FBXO25: variants seen among roughly 807,000 people sequenced by gnomAD.
The protein encoded by FBXO25 is F-box protein 25.
In FBXO25, 45 loss-of-function variants were observed where a neutral mutation model predicts 51.9. That is an observed-to-expected ratio of 0.87 (90% CI 0.68 to 1.11). FBXO25 has a LOEUF of 1.11. FBXO25 is among the 50% of genes most tolerant of loss of function. The pLI is 0.00. For missense variants in FBXO25, 507 were observed against 428.5 expected (o/e 1.18, Z -1.62); for synonymous variants, 199 against 151.0 (o/e 1.32, Z -2.33).
intron 2 of FBXO25, among the ~76,000 whole-genome samples, chr8:427,948 C>T (rs997035298): frequency 6.6e-6 from 1 of 152,026 alleles, no homozygotes; most frequent in Non-Finnish European, 1.5e-5. Context: ...CTAGAGTGGT[C>T]TGGGAGATGA....
chr8:466,026 G>A (rs1352367234), intron 9 of FBXO25, among the ~76,000 whole-genome samples: 1 of 152,138 alleles, frequency 6.6e-6, no homozygotes, highest in African/African-American at 2.4e-5. Flanking sequence ...TTCATGTCTT[G>A]CCCTTGGAGG....
In FBXO25 at chr8:435,685, G is replaced by A. The variant is rs199702170; in HGVS notation, c.359G>A (p.Arg120Gln). The change falls in exon 5 of 10, where the codon CGA (arginine) becomes CAA (glutamine). Residue 120 changes from arginine (R) to glutamine (Q), a missense_variant. By Grantham distance (43) the Arg-to-Gln change is conservative. Transcript: ENST00000350302. ...TTCTCAAGTGCAATTCAAGATATCCGAAGGTTCAATTATGTGGTCAAAGTA... is the reference window on the plus strand; with the variant it reads ...TTCTCAAGTGCAATTCAAGATATCCAAAGGTTCAATTATGTGGTCAAAGTA... ...LDFSSAIQDIRRFNYVVKLLQ... is the reference protein window; with the variant it reads ...LDFSSAIQDIQRFNYVVKLLQ... 1.4e-5 allele frequency: 23 copies of A among 1,597,602 alleles called. No homozygotes were observed. The highest frequency in any genetic ancestry group is 1.8e-5 in the Non-Finnish European group (21 of 1,175,040).
Position 453,846 on chromosome 8 carries a change from G to C in FBXO25, c.660+2393G>C, listed in dbSNP as rs545981828. 2.0e-5 allele frequency among the ~76,000 whole-genome samples: 3 copies of C among 152,190 alleles called. No individual in the cohort carries two copies. In the East Asian group the frequency reaches 5.8e-4, roughly 30 times the overall value. ...AGAAATACCTTGACACCCCTGGCCG[G>C]GCGCGGTGGCCCACACCTGTAATCC... On this transcript the variant is annotated intron_variant, in intron 7 of 9. Transcript: ENST00000350302.
intron 2 of FBXO25, among the ~76,000 whole-genome samples, chr8:428,868 A>G (rs906787052): frequency 6.6e-6 from 1 of 152,156 alleles, no homozygotes; most frequent in African/African-American, 2.4e-5. Context: ...ATGTGTCAGC[A>G]TTTCCTTTTT....
intron 7 of FBXO25, among the ~76,000 whole-genome samples, chr8:456,900 C>G (rs868434536): frequency 6.6e-6 from 1 of 152,152 alleles, no homozygotes; most frequent in African/African-American, 2.4e-5. Context: ...AGTGGGGTGT[C>G]AAGGCACGGG....
chr8:471,020 A>C lies in FBXO25; in HGVS notation c.*2216A>C, dbSNP rs1293835085. On this transcript the variant is annotated 3_prime_UTR_variant, in exon 10 of 10. Transcript: ENST00000350302. ...CTGTCATTTAATTGTTAGATGTTAT[A>C]ACAGTTCTCAGCTGTGCTATCAAAT... 2 of 152,208 alleles carry C rather than the reference A, an allele frequency of 1.3e-5. No homozygotes were observed. Among genetic ancestry groups the C allele is most frequent in the Non-Finnish European group, 2.9e-5 (2 of 68,044 alleles). 9.4% of individuals were successfully genotyped at this position (152,208 alleles called of 1,614,324 possible).
intron 5 of FBXO25, among the ~76,000 whole-genome samples, chr8:439,459 T>G (rs536762104): frequency 6.6e-6 from 1 of 152,320 alleles, no homozygotes; most frequent in East Asian, 1.9e-4. Context: ...TATATCTAAT[T>G]TTGGTTATTT....
At chr8:447,486 AACTC>A (rs1798813060) in intron 5 of FBXO25, among the ~76,000 whole-genome samples, 1 of 152,160 alleles carries the variant, frequency 6.6e-6, no homozygotes, top group South Asian at 2.1e-4. Flanking sequence ...AAAAACAGGA[AACTC>A]ATGAAGGAGT....
At chr8:465,367 C>T (rs552723701) in intron 9 of FBXO25, among the ~76,000 whole-genome samples, 38 of 152,260 alleles carry the variant, frequency 2.5e-4, no homozygotes, top group African/African-American at 8.2e-4. Context: ...TTCTCCTGAG[C>T]AGATTGTTTT....
At chr8:409,807 A>G (rs1253961616) in intron 1 of FBXO25, among the ~76,000 whole-genome samples, 8 of 152,168 alleles carry the variant, frequency 5.3e-5, no homozygotes, top group Non-Finnish European at 1.0e-4. Flanking sequence ...TATTATTCTC[A>G]AAACAACACT....
chr8:448,215 CT>C (rs1286557058), intron 5 of FBXO25, among the ~76,000 whole-genome samples: 5 of 152,120 alleles, frequency 3.3e-5, no homozygotes, highest in Admixed American at 1.3e-4. Flanking sequence ...CAGGAAAATT[CT>C]GCTCAGGTAA....
At chr8:427,405 G>A (rs1397753675) in intron 2 of FBXO25, among the ~76,000 whole-genome samples, 1 of 150,936 alleles carries the variant, frequency 6.6e-6, no homozygotes, top group Non-Finnish European at 1.5e-5. Context: ...TAGAGTCATG[G>A]CAACTTGTTG....
chr8:453,339 T>G (rs1014013620), intron 7 of FBXO25, among the ~76,000 whole-genome samples: 6 of 152,184 alleles, frequency 3.9e-5, no homozygotes, highest in African/African-American at 1.4e-4. Flanking sequence ...AGTCCCTGGG[T>G]GCTCTCTGGA....
chr8:457,006 G>C (rs1024964283), intron 7 of FBXO25, among the ~76,000 whole-genome samples: 1 of 151,786 alleles, frequency 6.6e-6, no homozygotes, highest in Non-Finnish European at 1.5e-5. Flanking sequence ...GCCAAAAATA[G>C]ATGGTCACTG....
intron 2 of FBXO25, 101 bp from the exon 3 acceptor site, chr8:431,240 C>G: frequency 1.6e-6 from 1 of 620,310 alleles, no homozygotes; most frequent in Non-Finnish European, 2.8e-6. Context: ...ATTTCAAGCC[C>G]ACAGTCTGTC....
At chr8:456,402 C>T (rs1283137485) in intron 7 of FBXO25, among the ~76,000 whole-genome samples, 3 of 152,124 alleles carry the variant, frequency 2.0e-5, no homozygotes, top group Non-Finnish European at 2.9e-5. Flanking sequence ...TGCTCTCTGC[C>T]ATATGCTAGA....
In FBXO25 at chr8:449,987, A is replaced by G. The variant is rs1252085567; in HGVS notation, c.382-3A>G. On this transcript the variant is annotated splice_region_variant and splice_polypyrimidine_tract_variant and intron_variant, in intron 5 of 9. Coordinates refer to ENST00000350302, the MANE Select transcript of FBXO25 (RefSeq NM_183420.2). The stretch of plus-strand genomic sequence containing the variant: ...CTCAGCTTTTTTCCGTCTTTCCTTT[A>G]AGCTGTTGCAGCTAATTGCAAAATC... 1 of 1,603,726 alleles carries G rather than the reference A, an allele frequency of 6.2e-7. No individual in the cohort carries two copies. Among genetic ancestry groups the G allele is most frequent in the East Asian group, 2.2e-5 (1 of 44,740 alleles).
chr8:439,717 C>T lies in FBXO25; in HGVS notation c.381+4010C>T, dbSNP rs576747793. On this transcript the variant is annotated intron_variant, in intron 5 of 9. Transcript: ENST00000350302. Reference sequence around the variant, plus strand: ...CCCAGTCCTGTTTCCTTTAGCCCACCTGCTCCTCATGTCTGGAGATGGACT... The same window carrying T: ...CCCAGTCCTGTTTCCTTTAGCCCACTTGCTCCTCATGTCTGGAGATGGACT... 1.1e-4 allele frequency among the ~76,000 whole-genome samples: 16 copies of T among 152,316 alleles called. No homozygotes were observed. In the South Asian group the frequency reaches 3.3e-3, roughly 32 times the overall value.
Position 468,750 on chromosome 8 carries a change from C to A in FBXO25, c.1023C>A (p.Asp341Glu). ...SGHPCTAADPDSCFTPVSPQH... is the reference protein window; with the variant it reads ...SGHPCTAADPESCFTPVSPQH... ...ACCCCTGCACGGCGGCCGACCCTGACAGCTGCTTCACGCCTGTGTCTCCGC... is the reference window on the plus strand; with the variant it reads ...ACCCCTGCACGGCGGCCGACCCTGAAAGCTGCTTCACGCCTGTGTCTCCGC... Residue 341 changes from aspartate (D) to glutamate (E), a missense_variant, in exon 10 of 10, where the codon GAC becomes GAA. Asp to Glu is a conservative substitution (Grantham distance 45, BLOSUM62 2). Transcript: ENST00000350302. 2 of 1,614,088 alleles carry A rather than the reference C, an allele frequency of 1.2e-6. No individual in the cohort carries two copies. The highest frequency in any genetic ancestry group is 1.7e-6 in the Non-Finnish European group (2 of 1,180,034).
Sources: allele counts gnomAD v4.1 joint callset (sites outside exome capture counted in the v4.1 genomes callset), GRCh38; gene constraint gnomAD v4.1.1; transcripts MANE v1.5; gene names NCBI Gene and HGNC (gene_info 2026-07-23, HGNC 2026-07-21).